The following DPP10 variants were observed in gnomAD, a reference collection of about 807,000 sequenced individuals.
The protein encoded by DPP10 is dipeptidyl peptidase like 10, also known as inactive dipeptidyl peptidase 10.
Under a neutral mutation model 120.9 loss-of-function variants are expected in DPP10, and 33 were observed. That is an observed-to-expected ratio of 0.27 (90% CI 0.21 to 0.37). The LOEUF (loss-of-function observed/expected upper bound fraction) is 0.37. Ranked by LOEUF, DPP10 falls within the 10% of genes least tolerant of loss-of-function variation. The pLI is 1.00. For synonymous variants in DPP10, 337 were observed against 326.1 expected (o/e 1.03, Z -0.36); for missense variants, 816 against 942.8 (o/e 0.87, Z 1.76).
intron 1 of DPP10, among the ~76,000 whole-genome samples, chr2:115,087,757 T>C (rs1469003058): frequency 1.3e-5 from 2 of 151,978 alleles, no homozygotes; most frequent in Non-Finnish European, 2.9e-5. Context: ...TTTCTCCATG[T>C]TGGTCAGTCT....
At chr2:115,157,422 G>T (rs1171984691) in intron 1 of DPP10, among the ~76,000 whole-genome samples, 1 of 152,122 alleles carries the variant, frequency 6.6e-6, no homozygotes, top group East Asian at 1.9e-4. Flanking sequence ...AAGTCTTCCT[G>T]TCAAAGACAG....
chr2:115,343,891 C>T lies in DPP10; in HGVS notation c.250C>T (p.Pro84Ser). 1 of 1,611,378 alleles carries T rather than the reference C, an allele frequency of 6.2e-7. No individual in the cohort carries two copies. Among genetic ancestry groups the T allele is most frequent in the Non-Finnish European group, 8.5e-7 (1 of 1,178,734 alleles). ...LFRKDFVLHD[P>S]EARWINDTDV... ...TAGGAAAGACTTTGTGCTTCACGAT[C>T]CAGAGGCTCGGTGGATCAATGGTAA... The change falls in exon 3 of 26, where the codon CCA becomes TCA. Residue 84 changes from proline to serine, a missense_variant. Around this residue, in one of 3 missense-constraint regions of DPP10, gnomAD observed 182 missense variants for 207.4 expected, o/e 0.88. Coordinates refer to ENST00000410059, the MANE Select transcript of DPP10 (RefSeq NM_020868.6).
chr2:114,919,968 G>A (rs989362973), intron 1 of DPP10, among the ~76,000 whole-genome samples: 1 of 152,086 alleles, frequency 6.6e-6, no homozygotes, highest in African/African-American at 2.4e-5. Flanking sequence ...CCAGACAGAG[G>A]CTTCTTTCAT....
At chr2:114,585,197 G>A (rs778791438) in intron 1 of DPP10, among the ~76,000 whole-genome samples, 8 of 152,114 alleles carry the variant, frequency 5.3e-5, no homozygotes, top group Non-Finnish European at 8.8e-5. Context: ...GGAAGAGACC[G>A]CTTCCAAGCT....
chr2:114,701,244 C>T (rs1352519645), intron 1 of DPP10, among the ~76,000 whole-genome samples: 1 of 152,102 alleles, frequency 6.6e-6, no homozygotes, highest in African/African-American at 2.4e-5. Flanking sequence ...TAATGCTCCA[C>T]ATTCATCATT....
At chr2:115,186,617 G>C (rs1214963138) in intron 1 of DPP10, among the ~76,000 whole-genome samples, 1 of 152,180 alleles carries the variant, frequency 6.6e-6, no homozygotes. Context: ...ATTTCAAGAA[G>C]TAGGAAGCAG....
At chr2:114,697,970 A>G (rs938774980) in intron 1 of DPP10, among the ~76,000 whole-genome samples, 1 of 152,044 alleles carries the variant, frequency 6.6e-6, no homozygotes, top group Non-Finnish European at 1.5e-5. Flanking sequence ...AATGTTTACA[A>G]TTCCACTGTG....
At chr2:115,607,375 A>G (rs956882664) in intron 5 of DPP10, among the ~76,000 whole-genome samples, 2 of 152,208 alleles carry the variant, frequency 1.3e-5, no homozygotes, top group Non-Finnish European at 1.5e-5. Flanking sequence ...AAGGGAACAT[A>G]TGAAAGCACA....
chr2:115,827,414 G>A (rs7600003), intron 21 of DPP10, among the ~76,000 whole-genome samples: 37,477 of 74,322 alleles, frequency 0.5, 8,457 homozygotes, highest in Middle Eastern at 0.58. Context: ...ATGTGTGTGT[G>A]TATATATATA....
chr2:115,240,305 T>C (rs533325016), intron 1 of DPP10, among the ~76,000 whole-genome samples: 150 of 152,336 alleles, frequency 9.8e-4, no homozygotes, highest in African/African-American at 3.4e-3. Context: ...CTAACTGGTA[T>C]GAGATGGTAT....
chr2:114,961,181 G>C (rs1698598149), intron 1 of DPP10, among the ~76,000 whole-genome samples: 1 of 151,212 alleles, frequency 6.6e-6, no homozygotes, highest in South Asian at 2.1e-4. Context: ...CAGCCTCCCA[G>C]GTAGCTGGGA....
chr2:114,926,710 C>A (rs764018425), intron 1 of DPP10, among the ~76,000 whole-genome samples: 4 of 152,160 alleles, frequency 2.6e-5, no homozygotes, highest in Non-Finnish European at 2.9e-5. Flanking sequence ...TGGAATCACA[C>A]CCCTGGAGGA....
intron 1 of DPP10, among the ~76,000 whole-genome samples, chr2:115,301,438 C>T (rs1443238585): frequency 1.3e-5 from 2 of 150,408 alleles, no homozygotes; most frequent in Non-Finnish European, 3.0e-5. Context: ...CTCCTTCCTT[C>T]CTGAGAGAAA....
chr2:114,920,914 C>T, intron 1 of DPP10, among the ~76,000 whole-genome samples: 1 of 152,156 alleles, frequency 6.6e-6, no homozygotes, highest in Non-Finnish European at 1.5e-5. Flanking sequence ...AGAAAATCTT[C>T]TCATCAGGGT....
intron 1 of DPP10, among the ~76,000 whole-genome samples, chr2:114,447,033 A>AC (rs1553442503): frequency 9.9e-6 from 1 of 100,912 alleles, no homozygotes; most frequent in African/African-American, 3.7e-5. Flanking sequence ...CTGGTTGTTA[A>AC]ATTTTTTTTT....
chr2:115,832,425 G>T (rs899403641), intron 21 of DPP10, among the ~76,000 whole-genome samples: 1 of 152,188 alleles, frequency 6.6e-6, no homozygotes, highest in Non-Finnish European at 1.5e-5. Flanking sequence ...GGGAGGCAGC[G>T]GTTGCGATGA....
chr2:114,834,099 A>T (rs1386760223), intron 1 of DPP10: 1 of 151,894 alleles, frequency 6.6e-6, no homozygotes, highest in Non-Finnish European at 1.5e-5. Context: ...CTACGCACCT[A>T]TGTATATATA....
At position 114,477,655 on chromosome 2, in the gene DPP10, C is replaced by T. The variant is rs571432628; in HGVS notation, c.60+34817C>T. 3.3e-3 allele frequency among the ~76,000 whole-genome samples: 487 copies of T among 148,086 alleles called. 3 individuals carry two copies. Among genetic ancestry groups the T allele is most frequent in the African/African-American group, 0.011 (461 of 40,924 alleles). On this transcript the variant is annotated intron_variant, in intron 1 of 25. Transcript: ENST00000410059. ...ACAAAAATTAGCCAGTGTGGTGGTGCGCACCTGTAATCCCAGATACTCGGG... is the reference window on the plus strand; with the variant it reads ...ACAAAAATTAGCCAGTGTGGTGGTGTGCACCTGTAATCCCAGATACTCGGG...
chr2:115,411,281 G>A (rs771248314), intron 3 of DPP10, among the ~76,000 whole-genome samples: 3 of 152,172 alleles, frequency 2.0e-5, no homozygotes, highest in East Asian at 3.9e-4. Context: ...GCAGTGAGCC[G>A]AGATTGCTCC....
Sources: allele counts gnomAD v4.1 joint callset (sites outside exome capture counted in the v4.1 genomes callset), GRCh38; gene constraint gnomAD v4.1.1; regional missense constraint gnomAD v4.1.1; transcripts MANE v1.5; gene names NCBI Gene and HGNC (gene_info 2026-07-23, HGNC 2026-07-21).